Variants in WWC2 observed in about 807,000 individuals in gnomAD.
WWC2 encodes the protein WW and C2 domain containing 2, also known as protein WWC2.
WWC2 carries 101 observed loss-of-function variants against 138.5 expected under a neutral mutation model. That is an observed-to-expected ratio of 0.73 (90% CI 0.62 to 0.86). The LOEUF (loss-of-function observed/expected upper bound fraction) is 0.86. Ranked by LOEUF, WWC2 falls within the 40% of genes least tolerant of loss-of-function variation. The probability of loss-of-function intolerance (pLI) is 0.00; values close to 1 mark genes in which losing one functional copy is unlikely to be tolerated. For synonymous variants in WWC2, 558 were observed against 538.4 expected, an observed-to-expected ratio of 1.04 and a Z score of -0.50; for missense variants, 1,420 against 1,419.4, an observed-to-expected ratio of 1.00 and a Z score of -0.01.
At chr4:183,206,530 G>T (rs149156737) in intron 2 of WWC2, among the ~76,000 whole-genome samples, 1 of 152,176 alleles carries the variant, frequency 6.6e-6, no homozygotes, top group Non-Finnish European at 1.5e-5. Context: ...ACAGAAAAGT[G>T]CATAGACTGA....
At chr4:183,213,716 C>T (rs1436019291) in intron 4 of WWC2, among the ~76,000 whole-genome samples, 2 of 152,054 alleles carry the variant, frequency 1.3e-5, no homozygotes, top group Non-Finnish European at 2.9e-5. Context: ...AAAATGAATG[C>T]ATTAGTGCTT....
intron 1 of WWC2, among the ~76,000 whole-genome samples, chr4:183,101,166 T>C (rs998361223): frequency 3.3e-5 from 5 of 152,224 alleles, no homozygotes; most frequent in African/African-American, 4.8e-5. Context: ...TAACAATAAA[T>C]TCTTGAAATA....
intron 1 of WWC2, among the ~76,000 whole-genome samples, chr4:183,144,683 C>T (rs948078116): frequency 3.4e-5 from 5 of 148,988 alleles, no homozygotes; most frequent in Admixed American, 6.6e-5. Flanking sequence ...TACTTATTCG[C>T]GATGTCTTAC....
At chr4:183,102,962 G>T (rs890215490) in intron 1 of WWC2, among the ~76,000 whole-genome samples, 1 of 151,664 alleles carries the variant, frequency 6.6e-6, no homozygotes, top group East Asian at 1.9e-4. Context: ...GAGCTTAAGT[G>T]GGCAGGCCTC....
intron 1 of WWC2, among the ~76,000 whole-genome samples, chr4:183,176,430 T>C (rs1326459720): frequency 3.3e-5 from 5 of 152,160 alleles, no homozygotes; most frequent in Non-Finnish European, 5.9e-5. Context: ...TTTTTATTTA[T>C]TTATTTTTTT....
At chr4:183,235,958 G>T (rs1011642380) in intron 4 of WWC2, among the ~76,000 whole-genome samples, 1 of 152,130 alleles carries the variant, frequency 6.6e-6, no homozygotes, top group African/African-American at 2.4e-5. Context: ...ATATAGTATT[G>T]TTTTAATTCA....
rs564459148 is a variant in WWC2, at chr4:183,320,184, G to C, written c.*4455G>C. On this transcript the variant is annotated 3_prime_UTR_variant, in exon 23 of 23. Coordinates refer to ENST00000403733, the MANE Select transcript of WWC2 (RefSeq NM_024949.6). ...TCCCAGCAAAGATAATGAAACTCCAGCTAGTTGAGCTACAGTTCTAAATAC... is the reference window on the plus strand; with the variant it reads ...TCCCAGCAAAGATAATGAAACTCCACCTAGTTGAGCTACAGTTCTAAATAC... 1 of 1,614,126 alleles carries C rather than the reference G, an allele frequency of 6.2e-7. No homozygotes were observed. Among genetic ancestry groups the C allele is most frequent in the South Asian group, 1.1e-5 (1 of 91,076 alleles).
rs367821374 is a variant in WWC2 at position 183,197,324 on chromosome 4, C to T, written c.241+3616C>T. On this transcript the variant is annotated intron_variant, in intron 2 of 22. Transcript: ENST00000403733. ...TCTGGTCCATTGTCTCATTAATCTTCAAGACATTCCTGTGAAGTAGTTTAG... is the reference window on the plus strand; with the variant it reads ...TCTGGTCCATTGTCTCATTAATCTTTAAGACATTCCTGTGAAGTAGTTTAG... Among the ~76,000 whole-genome samples the T allele has an allele frequency of 4.7e-4, 72 of 152,320 alleles. 1 individual carries two copies. In the East Asian group the frequency reaches 9.6e-3, roughly 20 times the overall value.
intron 14 of WWC2, among the ~76,000 whole-genome samples, chr4:183,268,254 C>T (rs984281892): frequency 1.4e-4 from 22 of 152,144 alleles, no homozygotes; most frequent in Admixed American, 1.4e-3. Flanking sequence ...AGGAAGTTAC[C>T]TCACGCTCTT....
At chr4:183,200,561 G>A (rs368584470) in intron 2 of WWC2, among the ~76,000 whole-genome samples, 1 of 152,088 alleles carries the variant, frequency 6.6e-6, no homozygotes, top group African/African-American at 2.4e-5. Flanking sequence ...CTGGCTCAAG[G>A]TCTCTGTGGT....
intron 1 of WWC2, among the ~76,000 whole-genome samples, chr4:183,147,680 T>C (rs1016107786): frequency 6.6e-6 from 1 of 152,250 alleles, no homozygotes; most frequent in East Asian, 1.9e-4. Context: ...TACAGAACTT[T>C]CTGGCCTTTT....
intron 1 of WWC2, among the ~76,000 whole-genome samples, chr4:183,191,193 C>G (rs751571916): frequency 7.9e-5 from 12 of 152,054 alleles, no homozygotes; most frequent in Non-Finnish European, 1.6e-4. Context: ...TGGTATCTCA[C>G]TCTTTGTCAA....
chr4:183,319,694 A>G lies in WWC2; in HGVS notation c.*3965A>G. The G allele has an allele frequency of 1.9e-6, 3 of 1,614,088 alleles. No homozygotes were observed. The highest frequency in any genetic ancestry group is 2.5e-6 in the Non-Finnish European group (3 of 1,180,018). ...GGAGCAGACACCCTCCTAGCAGAAG[A>G]GAAAGTCCAGCAAACCAGCCCAGAA... On this transcript the variant is annotated 3_prime_UTR_variant, in exon 23 of 23. Transcript: ENST00000403733.
chr4:183,100,980 G>A (rs1413175879), intron 1 of WWC2, among the ~76,000 whole-genome samples: 2 of 152,178 alleles, frequency 1.3e-5, no homozygotes, highest in Non-Finnish European at 2.9e-5. Context: ...CACGCTCCAA[G>A]CCAGTTATTT....
At chr4:183,141,076 A>G (rs1437021829) in intron 1 of WWC2, among the ~76,000 whole-genome samples, 1 of 152,234 alleles carries the variant, frequency 6.6e-6, no homozygotes. Context: ...GAGCTGAAGG[A>G]TTTCAAGGCT....
At chr4:183,170,915 A>G (rs10004018) in intron 1 of WWC2, among the ~76,000 whole-genome samples, 21,335 of 151,846 alleles carry the variant, frequency 0.14, 1,669 homozygotes, top group East Asian at 0.22. Flanking sequence ...CTGAGCTTCA[A>G]GTGATCCTCC....
chr4:183,261,290 C>G lies in WWC2; in HGVS notation c.1667C>G (p.Ser556Cys). ...TCGAGGTCCTCCCTTTCCTCCTTGT[C>G]TCCTCCAGGCTCTCCCTTGGTTTTG... ...LSSRSSLSSL[S>C]PPGSPLVLEG... is the part of the protein sequence containing the mutation. The change falls in exon 11 of 23, where the codon TCT becomes TGT. Residue 556 changes from serine to cysteine, a missense_variant. By Grantham distance (112) the Ser-to-Cys change is moderately radical (BLOSUM62 -1). Transcript: ENST00000403733. 1 of 1,613,620 alleles carries G rather than the reference C, an allele frequency of 6.2e-7. No individual in the cohort carries two copies. Among genetic ancestry groups the G allele is most frequent in the Non-Finnish European group, 8.5e-7 (1 of 1,179,746 alleles).
In WWC2 at chr4:183,261,120, T is replaced by C; in HGVS notation, c.1497T>C (p.Ser499=). ...AAGAGAAAAGCGGTTACATTCCTTCTGGACCCATCACCACCATCCATGAAA... is the reference window on the plus strand; with the variant it reads ...AAGAGAAAAGCGGTTACATTCCTTCCGGACCCATCACCACCATCCATGAAA... ...LLQEKSGYIP[S]GPITTIHENE... The change falls in exon 11 of 23, where the codon TCT becomes TCC. Residue 499 remains serine, a synonymous_variant. Transcript: ENST00000403733. 1 of 1,614,000 alleles carries C rather than the reference T, an allele frequency of 6.2e-7. No homozygotes were observed. The highest frequency in any genetic ancestry group is 8.5e-7 in the Non-Finnish European group (1 of 1,179,878).
intron 1 of WWC2, among the ~76,000 whole-genome samples, chr4:183,183,136 TAGTATTTCTAGGTTAAA>T (rs1488436415): frequency 6.6e-6 from 1 of 152,154 alleles, no homozygotes; most frequent in African/African-American, 2.4e-5. Flanking sequence ...CAATCAAGAA[TAGTATTTCTAGGTTAAA>T]AGGAATTAAC....
Sources: allele counts gnomAD v4.1 joint callset (sites outside exome capture counted in the v4.1 genomes callset), GRCh38; gene constraint gnomAD v4.1.1; transcripts MANE v1.5; gene names NCBI Gene and HGNC (gene_info 2026-07-23, HGNC 2026-07-21).